Variants in ARHGEF10L observed in about 807,000 individuals in gnomAD.
ARHGEF10L encodes the protein rho guanine nucleotide exchange factor 10-like protein.
In ARHGEF10L, 69 loss-of-function variants were observed where a neutral mutation model predicts 141.2. The observed-to-expected ratio is 0.49, with a 90% CI of 0.40 to 0.60. The LOEUF (loss-of-function observed/expected upper bound fraction) is 0.60. Ranked by LOEUF, ARHGEF10L falls within the 20% of genes least tolerant of loss-of-function variation. ARHGEF10L has a pLI of 0.00. For synonymous variants in ARHGEF10L, 711 were observed against 718.5 expected (o/e 0.99, Z 0.17); for missense variants, 1,482 against 1,734.3 (o/e 0.85, Z 2.58).
At chr1:17,650,989 C>G (rs1366358952) in intron 22 of ARHGEF10L, among the ~76,000 whole-genome samples, 2 of 152,174 alleles carry the variant, frequency 1.3e-5, no homozygotes, top group East Asian at 3.8e-4. Flanking sequence ...CTTTTTGTCT[C>G]TTGATACATA....
intron 4 of ARHGEF10L, among the ~76,000 whole-genome samples, chr1:17,594,186 G>A (rs902655682): frequency 1.3e-5 from 2 of 151,962 alleles, no homozygotes; most frequent in Non-Finnish European, 2.9e-5. Context: ...TGCGCTCTGA[G>A]AGCTTTCCCT....
At position 17,618,494 on chromosome 1, in the gene ARHGEF10L, C is replaced by T. The variant is rs554288548; in HGVS notation, c.836-845C>T. ...CCCACGCCGTCATCCGCTGTCCCTC[C>T]TCCTCCTCCTCCTCTGTCTCCTGCT... On this transcript the variant is annotated intron_variant, in intron 9 of 28. Coordinates refer to ENST00000361221, the MANE Select transcript of ARHGEF10L (RefSeq NM_018125.4). 23 of 1,449,794 alleles carry T rather than the reference C, an allele frequency of 1.6e-5. No homozygotes were observed. In the Admixed American group the frequency reaches 4.9e-4, roughly 31 times the overall value. 89.8% of individuals were successfully genotyped at this position (1,449,794 alleles called of 1,614,324 possible). A position where few individuals can be genotyped will look rare whatever the true frequency, so the allele number is the denominator to read the frequency against.
intron 26 of ARHGEF10L, among the ~76,000 whole-genome samples, chr1:17,667,107 A>G (rs2063032708): frequency 6.6e-6 from 1 of 152,202 alleles, no homozygotes; most frequent in Non-Finnish European, 1.5e-5. Flanking sequence ...CCCCTAGCAC[A>G]GCGTCTGACT....
the ARHGEF10L span, among the ~76,000 whole-genome samples, chr1:17,517,753 G>A: frequency 5.5e-4 from 83 of 151,390 alleles, no homozygotes; most frequent in African/African-American, 1.9e-3. Flanking sequence ...CTCCACCTCC[G>A]GGGTTCAAAC....
intron 26 of ARHGEF10L, among the ~76,000 whole-genome samples, chr1:17,682,115 A>G (rs917332819): frequency 2.4e-4 from 37 of 152,158 alleles, no homozygotes; most frequent in African/African-American, 8.9e-4. Flanking sequence ...ACACATCCCC[A>G]TTGTTCTTTG....
In ARHGEF10L at chr1:17,660,150, C is replaced by T. The variant is rs577310292; in HGVS notation, c.2860+3442C>T. On this transcript the variant is annotated intron_variant, in intron 25 of 28. Coordinates refer to ENST00000361221, the MANE Select transcript of ARHGEF10L (RefSeq NM_018125.4). ...GACAGCCGGCCACTGTCCTTGCTGG[C>T]GTGCTACCTGGGTTCTCCCCTGCCT... Among the ~76,000 whole-genome samples, 18 of 152,316 alleles carry T rather than the reference C, an allele frequency of 1.2e-4. 1 individual carries two copies. In the South Asian group the frequency reaches 3.3e-3, roughly 28 times the overall value.
intron 1 of ARHGEF10L, among the ~76,000 whole-genome samples, chr1:17,542,464 A>G (rs2477734): frequency 0.08 from 12,219 of 152,132 alleles, 564 homozygotes; most frequent in African/African-American, 0.11. Flanking sequence ...TATATATGAG[A>G]AAAGTGTACT....
intron 21 of ARHGEF10L, among the ~76,000 whole-genome samples, chr1:17,648,089 C>T (rs960200834): frequency 5.9e-5 from 9 of 152,350 alleles, no homozygotes; most frequent in Middle Eastern, 3.4e-3. Context: ...TGGCGACCTC[C>T]TGTCCTCTGA....
intron 16 of ARHGEF10L, among the ~76,000 whole-genome samples, chr1:17,633,152 A>C (rs1352093351): frequency 1.3e-5 from 2 of 152,190 alleles, no homozygotes; most frequent in Non-Finnish European, 2.9e-5. Context: ...GCCTGAGGCC[A>C]CGTGGGCCTG....
intron 4 of ARHGEF10L, among the ~76,000 whole-genome samples, chr1:17,595,173 G>A (rs2079953754): frequency 7.6e-6 from 1 of 132,402 alleles, no homozygotes; most frequent in East Asian, 2.3e-4. Context: ...ATGCATGATT[G>A]TTTTTATAGA....
intron 21 of ARHGEF10L, among the ~76,000 whole-genome samples, chr1:17,646,846 C>T (rs74059390): frequency 0.01 from 1,549 of 151,832 alleles, 25 homozygotes; most frequent in African/African-American, 0.035. Flanking sequence ...AGCCAGTGGC[C>T]GAGGGAGGAG....
intron 1 of ARHGEF10L, among the ~76,000 whole-genome samples, chr1:17,579,302 G>A (rs1440452586): frequency 6.6e-6 from 1 of 152,188 alleles, no homozygotes; most frequent in African/African-American, 2.4e-5. Flanking sequence ...ATACAGGCGT[G>A]AGACACTGTG....
chr1:17,664,670 G>C, intron 26 of ARHGEF10L, 75 bp downstream of exon 26: 2 of 1,406,910 alleles, frequency 1.4e-6, no homozygotes, highest in Non-Finnish European at 1.9e-6. Context: ...TGTCCACCCC[G>C]GCACCGCTTT....
In ARHGEF10L at chr1:17,627,286, G is replaced by C; in HGVS notation, c.1411-44G>C. On this transcript the variant is annotated intron_variant, in intron 14 of 28. Coordinates refer to ENST00000361221, the MANE Select transcript of ARHGEF10L (RefSeq NM_018125.4). This position sits in a 1 kb window ranked among gnomAD's most constrained non-coding sequence, Gnocchi z 4.0. ...AGGCTTTGCCCCAGGCTGGGGTAGAGTTGGTCATGGGTGGGCTGCTCAGTC... is the reference window on the plus strand; with the variant it reads ...AGGCTTTGCCCCAGGCTGGGGTAGACTTGGTCATGGGTGGGCTGCTCAGTC... 6.3e-7 allele frequency: 1 copy of C among 1,596,670 alleles called. No homozygotes were observed. The highest frequency in any genetic ancestry group is 8.6e-7 in the Non-Finnish European group (1 of 1,167,938).
chr1:17,574,532 C>T (rs1036076232), intron 1 of ARHGEF10L, among the ~76,000 whole-genome samples: 1 of 152,198 alleles, frequency 6.6e-6, no homozygotes, highest in African/African-American at 2.4e-5. Flanking sequence ...ACACCTGCAC[C>T]TGACAGGTAA....
chr1:17,697,535 A>AT lies in ARHGEF10L; in HGVS notation c.*162dup, dbSNP rs950600137. ...AAGGAAAACCTCTTGTTTTAAAAAA[A>AT]TTTTTTTCAGAGTGTTTTGGGGAGG... On this transcript the variant is annotated 3_prime_UTR_variant, in exon 29 of 29. Coordinates refer to ENST00000361221, the MANE Select transcript of ARHGEF10L (RefSeq NM_018125.4). The surrounding 1 kb of genome is among the most constrained non-coding windows in gnomAD (Gnocchi z 4.8). 7.8e-5 allele frequency: 86 copies of AT among 1,109,340 alleles called. No individual in the cohort carries two copies. The African/African-American group carries it at 1.2e-3, about 15-fold the overall frequency. The allele number at this position is 1,109,340 out of a possible 1,614,324, so 68.7% of individuals were successfully genotyped here.
intron 1 of ARHGEF10L, among the ~76,000 whole-genome samples, chr1:17,545,197 A>T (rs2076874920): frequency 6.6e-6 from 1 of 152,138 alleles, no homozygotes; most frequent in African/African-American, 2.4e-5. Flanking sequence ...AATTGGCCAG[A>T]GTGAGAGTAT....
chr1:17,566,042 A>G (rs2077742607), intron 1 of ARHGEF10L, among the ~76,000 whole-genome samples: 1 of 152,168 alleles, frequency 6.6e-6, no homozygotes, highest in Non-Finnish European at 1.5e-5. Flanking sequence ...CTGCCATGGA[A>G]ACCAGTGGCA....
intron 23 of ARHGEF10L, among the ~76,000 whole-genome samples, chr1:17,655,374 A>G (rs372751186): frequency 2.0e-5 from 3 of 151,898 alleles, no homozygotes; most frequent in East Asian, 3.9e-4. Flanking sequence ...CTGTCCATCC[A>G]TCCACCCACC....
Sources: allele counts gnomAD v4.1 joint callset (sites outside exome capture counted in the v4.1 genomes callset), GRCh38; gene constraint gnomAD v4.1.1; non-coding constraint Gnocchi (gnomAD v3.1); transcripts MANE v1.5; gene names NCBI Gene and HGNC (gene_info 2026-07-23, HGNC 2026-07-21).